C1QTNF8: variants seen among roughly 807,000 people sequenced by gnomAD.
The protein encoded by C1QTNF8 is C1q and TNF related 8.
A neutral mutation model predicts 19.2 loss-of-function variants in C1QTNF8; 27 were observed. The observed-to-expected ratio is 1.41, with a 90% CI of 1.04 to 1.94. The LOEUF is 1.94. Among genes scored for constraint, C1QTNF8 ranks in the 30% most tolerant of loss-of-function variants. The pLI is 0.00. For synonymous variants in C1QTNF8, 208 were observed against 172.8 expected (o/e 1.20, Z -1.60); for missense variants, 484 against 374.4 (o/e 1.29, Z -2.42).
chr16:1,088,347 G>A lies in C1QTNF8; in HGVS notation c.*2252C>T, dbSNP rs899654029. 1.3e-5 allele frequency among the ~76,000 whole-genome samples: 2 copies of A among 152,228 alleles called. No individual in the cohort carries two copies. Among genetic ancestry groups the A allele is most frequent in the Non-Finnish European group, 2.9e-5 (2 of 68,042 alleles). ...CAGGGATGTCCCCGCGGGAAGCCGCGTTCCCCAGTCCCTTCCTGTGCGGTT... is the reference window on the plus strand; with the variant it reads ...CAGGGATGTCCCCGCGGGAAGCCGCATTCCCCAGTCCCTTCCTGTGCGGTT... On this transcript the variant is annotated 3_prime_UTR_variant, in exon 5 of 5. Coordinates refer to ENST00000328449, the MANE Select transcript of C1QTNF8 (RefSeq NM_207419.3).
chr16:1,092,485 G>A (rs1960569802), intron 4 of C1QTNF8, among the ~76,000 whole-genome samples: 2 of 143,928 alleles, frequency 1.4e-5, no homozygotes, highest in Admixed American at 6.8e-5. Flanking sequence ...GCACACAGTC[G>A]GCACTCAACC....
chr16:1,091,351 G>A (rs1451627769), intron 4 of C1QTNF8, among the ~76,000 whole-genome samples: 4 of 152,100 alleles, frequency 2.6e-5, no homozygotes, highest in Non-Finnish European at 4.4e-5. Context: ...CAGTGGCCGC[G>A]CTGCCACAAA....
chr16:1,094,807 T>C lies in C1QTNF8; in HGVS notation c.116A>G (p.Tyr39Cys), dbSNP rs1960650170. ...CAGGTCCCTGTCACTCACCCGGGCA[T>C]AGGGTCCAGGGGGCCAGGCCGGGCG... ...CCRPAWPPGP[Y>C]ARVSDRDLWR... is the part of the protein sequence containing the mutation. Residue 39 changes from tyrosine (Y) to cysteine (C), a missense_variant, in exon 3 of 5, where the codon TAT (tyrosine) becomes TGT (cysteine). Tyr to Cys is a radical substitution (Grantham distance 194). Coordinates refer to ENST00000328449, the MANE Select transcript of C1QTNF8 (RefSeq NM_207419.3). 6.6e-7 allele frequency: 1 copy of C among 1,521,920 alleles called. No homozygotes were observed. The highest frequency in any genetic ancestry group is 8.8e-7 in the Non-Finnish European group (1 of 1,135,278). 94.3% of individuals were successfully genotyped at this position (1,521,920 alleles called of 1,614,324 possible). A position where few individuals can be genotyped will look rare whatever the true frequency, so the allele number is the denominator to read the frequency against.
At chr16:1,091,990 G>T (rs992925141) in intron 4 of C1QTNF8, among the ~76,000 whole-genome samples, 3 of 152,174 alleles carry the variant, frequency 2.0e-5, no homozygotes, top group African/African-American at 7.2e-5. Context: ...CCTCAGCAAG[G>T]GTGCCTGGCA....
intron 3 of C1QTNF8, 23 bp downstream of exon 3, chr16:1,094,692 C>T (rs746734013): frequency 6.9e-6 from 11 of 1,587,008 alleles, no homozygotes; most frequent in East Asian, 2.4e-5. Context: ...GGGGAGCATG[C>T]AGGCAGCACC....
chr16:1,091,947 G>A (rs148072546), intron 4 of C1QTNF8, among the ~76,000 whole-genome samples: 64 of 152,350 alleles, frequency 4.2e-4, no homozygotes, highest in Non-Finnish European at 6.2e-4. Context: ...CCGGGCAGGT[G>A]CTTGGCAAAT....
rs771467645 is a variant in C1QTNF8 at position 1,093,940 on chromosome 16, G to A, written c.320C>T (p.Pro107Leu). The A allele has an allele frequency of 1.5e-5, 23 of 1,499,306 alleles. No individual in the cohort carries two copies. Among genetic ancestry groups the A allele is most frequent in the Non-Finnish European group, 1.9e-5 (22 of 1,135,418 alleles). The allele number at this position is 1,499,306 out of a possible 1,614,324, so 92.9% of individuals were successfully genotyped here. A position where few individuals can be genotyped will look rare whatever the true frequency, so the allele number is the denominator to read the frequency against. The change falls in exon 4 of 5, where the codon CCG becomes CTG. Residue 107 changes from proline (P) to leucine (L), a missense_variant. By Grantham distance (98) the Pro-to-Leu change is moderately conservative. Transcript: ENST00000328449. Reference protein sequence around the residue: ...GRRGQKGQVGPPGAACRRAYA... With the variant: ...GRRGQKGQVGLPGAACRRAYA... ...GGCACGTCGGCACGCGGCGCCCGGCGGCCCCACCTGCCCCTTCTGGCCTCT... is the reference window on the plus strand; with the variant it reads ...GGCACGTCGGCACGCGGCGCCCGGCAGCCCCACCTGCCCCTTCTGGCCTCT...
At chr16:1,094,318 T>A (rs1461583800) in intron 3 of C1QTNF8, among the ~76,000 whole-genome samples, 8 of 151,528 alleles carry the variant, frequency 5.3e-5, no homozygotes, top group Non-Finnish European at 1.0e-4. Flanking sequence ...ACGGTCTGCG[T>A]TGGGTGTTAA....
At chr16:1,094,140 G>A (rs1596244761) in intron 3 of C1QTNF8, 89 bp from the exon 4 acceptor site, 4 of 1,107,586 alleles carry the variant, frequency 3.6e-6, no homozygotes, top group Non-Finnish European at 4.8e-6. Context: ...TGGGGCTCAA[G>A]GGTCACTGTA....
chr16:1,094,472 C>T, intron 3 of C1QTNF8: 1 of 492,522 alleles, frequency 2.0e-6, no homozygotes, highest in Non-Finnish European at 3.6e-6. Context: ...ATCTCAGGAA[C>T]CCTGGCCCCC....
At position 1,093,583 on chromosome 16, in the gene C1QTNF8, C is replaced by A; in HGVS notation, c.677G>T (p.Arg226Leu). The A allele has an allele frequency of 1.3e-6, 2 of 1,599,686 alleles. No individual in the cohort carries two copies. The highest frequency in any genetic ancestry group is 4.5e-5 in the East Asian group (2 of 44,008). ...GTGCTCGCCGTAGATGGCGTTGTCC[C>A]GGTCGCGCTGGAACATGCGCACCCA... is the stretch of plus-strand genomic sequence containing the variant. The part of the protein sequence containing the change: ...AVWVRMFQRD[R>L]DNAIYGEHGD... The change falls in exon 4 of 5, where the codon CGG becomes CTG. Residue 226 changes from arginine (R) to leucine (L), a missense_variant. By Grantham distance (102) the Arg-to-Leu change is moderately radical. Coordinates refer to ENST00000328449, the MANE Select transcript of C1QTNF8 (RefSeq NM_207419.3).
At chr16:1,094,398 GTCAAGGGGTC>G (rs1359206293) in intron 3 of C1QTNF8, among the ~76,000 whole-genome samples, 1 of 152,304 alleles carries the variant, frequency 6.6e-6, no homozygotes, top group East Asian at 1.9e-4. Flanking sequence ...GCGCAGCCGT[GTCAAGGGGTC>G]TCAGAGCAAG....
chr16:1,094,691 G>A (rs1221110095), intron 3 of C1QTNF8, 24 bp downstream of exon 3: 1 of 1,581,778 alleles, frequency 6.3e-7, no homozygotes, highest in Non-Finnish European at 8.6e-7. Flanking sequence ...GGGGGAGCAT[G>A]CAGGCAGCAC....
intron 1 of C1QTNF8, 93 bp downstream of exon 1, chr16:1,096,063 G>C (rs1208281538): frequency 6.6e-6 from 1 of 152,296 alleles, no homozygotes; most frequent in African/African-American, 2.4e-5. Context: ...TGGGGTTCAG[G>C]GGGAGCCCGA....
rs762882674 is a variant in C1QTNF8 at position 1,094,819 on chromosome 16, G to A, written c.104C>T (p.Pro35Leu). 5 of 1,482,306 alleles carry A rather than the reference G, an allele frequency of 3.4e-6. No homozygotes were observed. The highest frequency in any genetic ancestry group is 2.3e-5 in the Admixed American group (1 of 43,050). 91.8% of individuals were successfully genotyped at this position (1,482,306 alleles called of 1,614,324 possible). The change falls in exon 3 of 5, where the codon CCC becomes CTC. Residue 35 changes from proline (P) to leucine (L), a missense_variant. Coordinates refer to ENST00000328449, the MANE Select transcript of C1QTNF8 (RefSeq NM_207419.3). ...ACTCACCCGGGCATAGGGTCCAGGG[G>A]GCCAGGCCGGGCGGCAGCAGTGCAC... ...PCVHCCRPAWPPGPYARVSDR... is the reference protein window; with the variant it reads ...PCVHCCRPAWLPGPYARVSDR...
intron 3 of C1QTNF8, 51 bp from the exon 4 acceptor site, chr16:1,094,102 C>T: frequency 7.4e-7 from 1 of 1,353,106 alleles, no homozygotes; most frequent in Non-Finnish European, 9.5e-7. Flanking sequence ...GGGCAGGCCT[C>T]CCCCATTCCA....
At position 1,093,877 on chromosome 16, in the gene C1QTNF8, T is replaced by C. The variant is rs772357123; in HGVS notation, c.383A>G (p.His128Arg). ...CACCGCCTGGAAGTGGTCGGAGCTG[T>C]GCAGGCCCTCGCGCCGGCCCACGGA... ...AFSVGRREGL[H>R]SSDHFQAVPF... Residue 128 changes from histidine to arginine, a missense_variant, in exon 4 of 5, where the codon CAC becomes CGC. Transcript: ENST00000328449. 3 of 1,582,548 alleles carry C rather than the reference T, an allele frequency of 1.9e-6. No homozygotes were observed. Among genetic ancestry groups the C allele is most frequent in the Non-Finnish European group, 1.7e-6 (2 of 1,171,154 alleles).
chr16:1,094,143 T>C, intron 3 of C1QTNF8, 92 bp from the exon 4 acceptor site: 1 of 1,063,080 alleles, frequency 9.4e-7, no homozygotes, highest in Non-Finnish European at 1.2e-6. Context: ...GGCTCAAGGG[T>C]CACTGTAAGG....
At chr16:1,092,199 G>T (rs1469419515) in intron 4 of C1QTNF8, among the ~76,000 whole-genome samples, 1 of 152,218 alleles carries the variant, frequency 6.6e-6, no homozygotes, top group Non-Finnish European at 1.5e-5. Flanking sequence ...GAGGGCAGGT[G>T]CGGGTCAGAC....
Sources: gnomAD v4.1 joint callset for allele counts (sites outside exome capture counted in the v4.1 genomes callset) on GRCh38, gnomAD v4.1.1 for gene constraint, MANE v1.5 for transcripts, NCBI Gene and HGNC (gene_info 2026-07-23, HGNC 2026-07-21) for gene names.